MTDH: variants seen among roughly 807,000 people sequenced by gnomAD.
The protein encoded by MTDH is protein LYRIC.
A neutral mutation model predicts 72.7 loss-of-function variants in MTDH; 34 were observed. The observed-to-expected ratio is 0.47, with a 90% CI of 0.36 to 0.62. The LOEUF (loss-of-function observed/expected upper bound fraction) is 0.62, where lower values mean the gene tolerates loss of function less well. MTDH is among the 20% of genes least tolerant of loss of function. The pLI, the probability that MTDH is intolerant of heterozygous loss-of-function variation, is 0.00. For synonymous variants in MTDH, 266 were observed against 268.9 expected (o/e 0.99, Z 0.10); for missense variants, 677 against 699.4 (o/e 0.97, Z 0.36).
chr8:97,662,096 T>C (rs1370863175), intron 2 of MTDH, among the ~76,000 whole-genome samples: 9 of 152,062 alleles, frequency 5.9e-5, no homozygotes, highest in South Asian at 2.1e-4. Flanking sequence ...AGCTTGGAAG[T>C]AGGCAAAATG....
intron 10 of MTDH, among the ~76,000 whole-genome samples, chr8:97,720,481 T>G (rs1315501173): frequency 6.8e-6 from 1 of 146,958 alleles, no homozygotes; most frequent in Non-Finnish European, 1.5e-5. Context: ...GGAGACTGAG[T>G]GGGAAGATCA....
At chr8:97,685,428 G>C (rs761110670) in intron 2 of MTDH, among the ~76,000 whole-genome samples, 1 of 152,060 alleles carries the variant, frequency 6.6e-6, no homozygotes, top group Non-Finnish European at 1.5e-5. Flanking sequence ...CATATATGCA[G>C]GTTTTTTATT....
At chr8:97,664,023 A>G (rs1812278540) in intron 2 of MTDH, among the ~76,000 whole-genome samples, 1 of 152,278 alleles carries the variant, frequency 6.6e-6, no homozygotes, top group Non-Finnish European at 1.5e-5. Flanking sequence ...TTTACAGATA[A>G]GGGCTCCAGT....
chr8:97,656,247 G>A (rs1033135261), intron 1 of MTDH, among the ~76,000 whole-genome samples: 2 of 151,386 alleles, frequency 1.3e-5, no homozygotes, highest in African/African-American at 4.9e-5. Flanking sequence ...TTTGCAAGTT[G>A]GAATCAGTTT....
intron 10 of MTDH, among the ~76,000 whole-genome samples, chr8:97,720,551 G>C (rs1479955215): frequency 7.2e-5 from 11 of 151,870 alleles, no homozygotes; most frequent in South Asian, 2.1e-4. Context: ...ACTCCAGCCT[G>C]GGCGACAAAG....
intron 2 of MTDH, among the ~76,000 whole-genome samples, chr8:97,685,786 G>A (rs1225771172): frequency 2.0e-5 from 3 of 151,866 alleles, no homozygotes; most frequent in African/African-American, 7.3e-5. Flanking sequence ...ATAGTGTGCA[G>A]TAGTATATAC....
intron 10 of MTDH, among the ~76,000 whole-genome samples, chr8:97,721,246 A>G (rs1487074006): frequency 1.3e-5 from 2 of 152,034 alleles, no homozygotes; most frequent in African/African-American, 2.4e-5. Context: ...GTTCAAGACC[A>G]GCTGGGCAGA....
In MTDH at chr8:97,659,836, G is replaced by A. The variant is rs146352607; in HGVS notation, c.382-1236G>A. ...CCCATTCTCCAAACTTCTCAGTCTGGTGATGGGGCTCAGAAATTATTATTT... is the reference window on the plus strand; with the variant it reads ...CCCATTCTCCAAACTTCTCAGTCTGATGATGGGGCTCAGAAATTATTATTT... On this transcript the variant is annotated intron_variant, in intron 1 of 11. Coordinates refer to ENST00000336273, the MANE Select transcript of MTDH (RefSeq NM_178812.4). 2.0e-3 allele frequency among the ~76,000 whole-genome samples: 298 copies of A among 152,304 alleles called. 1 individual carries two copies. Among genetic ancestry groups the A allele is most frequent in the African/African-American group, 6.9e-3 (286 of 41,570 alleles).
intron 2 of MTDH, among the ~76,000 whole-genome samples, chr8:97,685,053 G>A (rs1020273952): frequency 1.1e-4 from 17 of 152,132 alleles, no homozygotes; most frequent in African/African-American, 3.9e-4. Flanking sequence ...GTGACAGAGC[G>A]AGACTCCGTC....
At chr8:97,697,386 T>A (rs1348167717) in intron 6 of MTDH, among the ~76,000 whole-genome samples, 34 of 128,054 alleles carry the variant, frequency 2.7e-4, no homozygotes, top group African/African-American at 9.6e-4. Flanking sequence ...TTTCGGTTTT[T>A]TTTTTTTTTT....
rs1815186198 is a variant in MTDH at position 97,722,888 on chromosome 8, ACT to A, written c.1534_1535del (p.Leu512SerfsTer16). 6.2e-7 allele frequency: 1 copy of A among 1,606,926 alleles called. No individual in the cohort carries two copies. The highest frequency in any genetic ancestry group is 1.3e-5 in the African/African-American group (1 of 74,560). ...VLVKNSQPIK[T>X]LPPATSTEPS... ...TTTTTTCCTAAAATAGCCTATCAAG[ACT>A]CTTCCACCTGCTACTTCTACCGAGC... is the stretch of plus-strand genomic sequence containing the variant. On this transcript the variant is annotated frameshift_variant, in exon 11 of 12. Transcript: ENST00000336273. LOFTEE classifies it high-confidence loss of function.
At position 97,729,889 on chromosome 8, in the gene MTDH, A is replaced by T. The variant is rs1158821175; in HGVS notation, c.*5219A>T. Reference sequence around the variant, plus strand: ...GAAACTTAGTAGCCTGCCTGCGCATACTGCAAGTACAGACTATATAACAAG... The same window carrying T: ...GAAACTTAGTAGCCTGCCTGCGCATTCTGCAAGTACAGACTATATAACAAG... On this transcript the variant is annotated 3_prime_UTR_variant, in exon 12 of 12. Coordinates refer to ENST00000336273, the MANE Select transcript of MTDH (RefSeq NM_178812.4). Among the ~76,000 whole-genome samples the T allele has an allele frequency of 6.6e-6, 1 of 152,202 alleles. No individual in the cohort carries two copies. Among genetic ancestry groups the T allele is most frequent in the Non-Finnish European group, 1.5e-5 (1 of 68,038 alleles).
At chr8:97,704,792 A>G (rs1814280666) in intron 7 of MTDH, among the ~76,000 whole-genome samples, 1 of 152,178 alleles carries the variant, frequency 6.6e-6, no homozygotes, top group Non-Finnish European at 1.5e-5. Flanking sequence ...ATAAGAATGT[A>G]TTATATATTC....
At chr8:97,699,680 G>A (rs910355184) in intron 6 of MTDH, 74 bp from the exon 7 acceptor site, 5 of 997,264 alleles carry the variant, frequency 5.0e-6, no homozygotes, top group African/African-American at 1.6e-5. Flanking sequence ...CCGTGTCAAA[G>A]TATAGAACTA....
intron 2 of MTDH, among the ~76,000 whole-genome samples, chr8:97,663,475 G>A (rs1291296875): frequency 1.3e-5 from 2 of 151,994 alleles, no homozygotes; most frequent in Non-Finnish European, 2.9e-5. Context: ...GTTGCTGGGC[G>A]CGGTGGCTCA....
chr8:97,664,432 T>C (rs1812298482), intron 2 of MTDH, among the ~76,000 whole-genome samples: 2 of 152,318 alleles, frequency 1.3e-5, no homozygotes, highest in East Asian at 3.9e-4. Flanking sequence ...GTTCTTTTTA[T>C]CATTTAACAG....
In MTDH at chr8:97,691,125, G is replaced by T. The variant is rs373491645; in HGVS notation, c.985G>T (p.Ala329Ser). 90 of 1,613,950 alleles carry T rather than the reference G, an allele frequency of 5.6e-5. No individual in the cohort carries two copies. Among genetic ancestry groups the T allele is most frequent in the Non-Finnish European group, 6.8e-5 (80 of 1,179,950 alleles). ...PSAWSQDTGDANTNGKDWGRS... is the reference protein window; with the variant it reads ...PSAWSQDTGDSNTNGKDWGRS... ...TGCCTGGAGTCAAGACACTGGAGAT[G>T]CTAATACAAATGGAAAAGACTGGGG... Residue 329 changes from alanine to serine, a missense_variant, in exon 6 of 12, where the codon GCT (alanine) becomes TCT (serine). Ala to Ser is a moderately conservative substitution (Grantham distance 99, BLOSUM62 1). Transcript: ENST00000336273.
At position 97,691,150 on chromosome 8, in the gene MTDH, G is replaced by C. The variant is rs1465009652; in HGVS notation, c.1010G>C (p.Gly337Ala). 2.5e-6 allele frequency: 4 copies of C among 1,613,838 alleles called. No individual in the cohort carries two copies. The highest frequency in any genetic ancestry group is 2.5e-6 in the Non-Finnish European group (3 of 1,179,792). ...GDANTNGKDW[G>A]RSWSDRSIFS... is the part of the protein sequence containing the mutation. ...GCTAATACAAATGGAAAAGACTGGG[G>C]AAGGAGTTGGAGTGACCGTTCAATA... Residue 337 changes from glycine to alanine, a missense_variant, in exon 6 of 12, where the codon GGA (glycine) becomes GCA (alanine). Physicochemically the swap from Gly to Ala is moderately conservative, Grantham distance 60. This residue lies in a region of MTDH where 467 missense variants were observed against 469.1 expected (regional missense o/e 1.00). Transcript: ENST00000336273.
intron 9 of MTDH, among the ~76,000 whole-genome samples, chr8:97,717,758 G>A (rs915164397): frequency 6.6e-6 from 1 of 151,806 alleles, no homozygotes; most frequent in Non-Finnish European, 1.5e-5. Flanking sequence ...TTGTTTGTTT[G>A]TTTGTTTTTG....
Sources: gnomAD v4.1 joint callset for allele counts (sites outside exome capture counted in the v4.1 genomes callset) on GRCh38, gnomAD v4.1.1 for gene constraint, gnomAD v4.1.1 regional missense constraint, MANE v1.5 for transcripts, NCBI Gene and HGNC (gene_info 2026-07-23, HGNC 2026-07-21) for gene names.